Variants in ATP9B observed in about 807,000 individuals in gnomAD.
ATP9B encodes the protein ATPase phospholipid transporting 9B, also known as probable phospholipid-transporting ATPase IIB.
ATP9B carries 110 observed loss-of-function variants against 146.1 expected under a neutral mutation model. That is an observed-to-expected ratio of 0.75 (90% CI 0.65 to 0.88). ATP9B has a LOEUF of 0.88. ATP9B is among the 40% of genes least tolerant of loss of function. The pLI, the probability that ATP9B is intolerant of heterozygous loss-of-function variation, is 0.00. For synonymous variants in ATP9B, 604 were observed against 569.7 expected (o/e 1.06, Z -0.86); for missense variants, 1,499 against 1,496.4 (o/e 1.00, Z -0.03).
At chr18:79,118,254 C>G (rs1369261071) in intron 4 of ATP9B, among the ~76,000 whole-genome samples, 1 of 152,052 alleles carries the variant, frequency 6.6e-6, no homozygotes, top group Non-Finnish European at 1.5e-5. Flanking sequence ...AGGCTGTGTA[C>G]TTCCTAGAAG....
chr18:79,104,036 A>G (rs560758021), intron 2 of ATP9B, among the ~76,000 whole-genome samples: 2 of 152,304 alleles, frequency 1.3e-5, no homozygotes, highest in East Asian at 1.9e-4. Context: ...CAGCCCAGAA[A>G]TTGAACCAGG....
intron 10 of ATP9B, among the ~76,000 whole-genome samples, chr18:79,212,723 G>C (rs144551492): frequency 6.6e-6 from 1 of 152,026 alleles, no homozygotes; most frequent in Non-Finnish European, 1.5e-5. Context: ...ATTTCTCTGC[G>C]TAGTAAGTAT....
intron 1 of ATP9B, among the ~76,000 whole-genome samples, chr18:79,094,901 A>G (rs1173151098): frequency 1.3e-5 from 2 of 152,160 alleles, no homozygotes; most frequent in Non-Finnish European, 2.9e-5. Flanking sequence ...ATCGTACACG[A>G]CATGTACACT....
rs191897583 is a variant in ATP9B at position 79,344,170 on chromosome 18, C to T, written c.2383-95C>T. 1,447 of 1,153,752 alleles carry T rather than the reference C, an allele frequency of 1.3e-3. 4 individuals are homozygous for T. Among genetic ancestry groups the T allele is most frequent in the Middle Eastern group, 1.9e-3 (10 of 5,268 alleles). 71.5% of individuals were successfully genotyped at this position (1,153,752 alleles called of 1,614,324 possible). A position where few individuals can be genotyped will look rare whatever the true frequency, so the allele number is the denominator to read the frequency against. On this transcript the variant is annotated intron_variant, in intron 20 of 29. Transcript: ENST00000426216. ...TTGGTTTTAGATAATAACCCCAGAACATTCCACTGTGACTCTGCAAATAAT... is the reference window on the plus strand; with the variant it reads ...TTGGTTTTAGATAATAACCCCAGAATATTCCACTGTGACTCTGCAAATAAT...
At chr18:79,072,631 C>T (rs1019247598) in intron 1 of ATP9B, among the ~76,000 whole-genome samples, 22 of 152,340 alleles carry the variant, frequency 1.4e-4, no homozygotes, top group African/African-American at 3.6e-4. Context: ...AAACCGCCAT[C>T]GTCATCATGG....
At chr18:79,165,881 G>T (rs1206976288) in intron 7 of ATP9B, among the ~76,000 whole-genome samples, 1 of 152,158 alleles carries the variant, frequency 6.6e-6, no homozygotes, top group African/African-American at 2.4e-5. Flanking sequence ...ACTTAAAGTG[G>T]ACTATATTCT....
chr18:79,321,953 G>A (rs1263636256), intron 15 of ATP9B, among the ~76,000 whole-genome samples: 9 of 152,206 alleles, frequency 5.9e-5, no homozygotes, highest in Non-Finnish European at 1.3e-4. Flanking sequence ...TTAGCCTCAG[G>A]AGCGTTGGCA....
At chr18:79,200,143 A>G (rs1377958511) in intron 9 of ATP9B, among the ~76,000 whole-genome samples, 2 of 152,202 alleles carry the variant, frequency 1.3e-5, no homozygotes, top group East Asian at 3.8e-4. Context: ...CACCACCGTC[A>G]CCACAAACAC....
At chr18:79,336,510 G>A in intron 17 of ATP9B, 118 bp from the exon 18 acceptor site, 1 of 825,860 alleles carries the variant, frequency 1.2e-6, no homozygotes, top group Middle Eastern at 2.3e-4. Flanking sequence ...GGTGATGAAG[G>A]TGGGCACAGG....
intron 15 of ATP9B, among the ~76,000 whole-genome samples, chr18:79,309,820 T>C (rs144253842): frequency 2.8e-4 from 42 of 152,282 alleles, no homozygotes; most frequent in Non-Finnish European, 5.4e-4. Flanking sequence ...GTGAATAGTG[T>C]CTCCATAAAG....
rs1227332824 is a variant in ATP9B at position 79,150,970 on chromosome 18, CA to C, written c.727-3533del. The stretch of plus-strand genomic sequence containing the variant: ...TAAAGAGACCAAAGTAAATGTAAGA[CA>C]GTTCATGCCCATGGTTAGAAGTATG... On this transcript the variant is annotated intron_variant, in intron 6 of 29. Coordinates refer to ENST00000426216, the MANE Select transcript of ATP9B (RefSeq NM_198531.5). 1.4e-3 allele frequency among the ~76,000 whole-genome samples: 215 copies of C among 152,276 alleles called. 3 individuals are homozygous for C. Among genetic ancestry groups the C allele is most frequent in the African/African-American group, 4.9e-3 (202 of 41,550 alleles).
chr18:79,206,631 AATAAAT>A (rs1473434476), intron 9 of ATP9B, among the ~76,000 whole-genome samples: 1 of 59,334 alleles, frequency 1.7e-5, no homozygotes, highest in Non-Finnish European at 5.1e-5. Context: ...CTCATAAATA[AATAAAT>A]AAATAAATAA....
At chr18:79,273,080 T>C (rs1198375892) in intron 12 of ATP9B, among the ~76,000 whole-genome samples, 2 of 152,218 alleles carry the variant, frequency 1.3e-5, no homozygotes, top group East Asian at 1.9e-4. Context: ...CCAGTCGTTA[T>C]GATGGAGAAA....
chr18:79,220,220 G>C (rs941199489), intron 11 of ATP9B, among the ~76,000 whole-genome samples: 1 of 152,112 alleles, frequency 6.6e-6, no homozygotes, highest in Non-Finnish European at 1.5e-5. Context: ...AAAATGAGTT[G>C]TTGAAGTTTG....
chr18:79,242,677 T>G (rs1363436972), intron 11 of ATP9B, among the ~76,000 whole-genome samples: 3 of 152,236 alleles, frequency 2.0e-5, no homozygotes, highest in Non-Finnish European at 4.4e-5. Flanking sequence ...TTTCTTTATT[T>G]GGAAATTAAT....
intron 11 of ATP9B, among the ~76,000 whole-genome samples, chr18:79,246,502 C>G (rs910452665): frequency 6.6e-6 from 1 of 152,232 alleles, no homozygotes; most frequent in Non-Finnish European, 1.5e-5. Context: ...TTCCTACCCC[C>G]CATAATCCAG....
At chr18:79,283,037 C>G (rs1323729132) in intron 13 of ATP9B, among the ~76,000 whole-genome samples, 4 of 152,216 alleles carry the variant, frequency 2.6e-5, no homozygotes, top group African/African-American at 7.2e-5. Flanking sequence ...CTCTAGTACC[C>G]TGGTGAAACC....
In ATP9B at chr18:79,336,690, G is replaced by A. The variant is rs1300641602; in HGVS notation, c.2091G>A (p.Glu697=). Residue 697 remains glutamate (E), a synonymous_variant, in exon 18 of 30, where the codon GAG becomes GAA. Coordinates refer to ENST00000426216, the MANE Select transcript of ATP9B (RefSeq NM_198531.5). ...TGGTTGCAAAGAAGGCGTTGACAGA[G>A]GAGCAGTACCAGGACTTTGAGGTGA... ...TLVVAKKALT[E]EQYQDFESRY... The A allele has an allele frequency of 1.2e-6, 2 of 1,613,920 alleles. No homozygotes were observed. The highest frequency in any genetic ancestry group is 1.1e-5 in the South Asian group (1 of 91,052).
intron 11 of ATP9B, among the ~76,000 whole-genome samples, chr18:79,231,082 ATTGGC>A: frequency 1.3e-5 from 2 of 152,336 alleles, no homozygotes; most frequent in Middle Eastern, 6.8e-3. Context: ...TCTTCTAGAC[ATTGGC>A]TTAGGCAAAG....
Sources: gnomAD v4.1 joint callset for allele counts (sites outside exome capture counted in the v4.1 genomes callset) on GRCh38, gnomAD v4.1.1 for gene constraint, MANE v1.5 for transcripts, NCBI Gene and HGNC (gene_info 2026-07-23, HGNC 2026-07-21) for gene names.